RASGEF1C: variants seen among roughly 807,000 people sequenced by gnomAD.
RASGEF1C encodes ras-GEF domain-containing family member 1C.
RASGEF1C carries 27 observed loss-of-function variants against 58.1 expected under a neutral mutation model. The observed-to-expected ratio is 0.46, with a 90% confidence interval of 0.34 to 0.64. RASGEF1C has a LOEUF of 0.64. Among genes scored for constraint, RASGEF1C ranks in the 30% least tolerant of loss-of-function variants. The pLI, the probability that RASGEF1C is intolerant of heterozygous loss-of-function variation, is 0.01. For synonymous variants in RASGEF1C, 243 were observed against 246.3 expected (o/e 0.99, Z 0.13); for missense variants, 502 against 605.1 (o/e 0.83, Z 1.79).
chr5:180,189,669 C>A (rs567878392), intron 1 of RASGEF1C, among the ~76,000 whole-genome samples: 2 of 152,284 alleles, frequency 1.3e-5, no homozygotes, highest in South Asian at 4.1e-4. Flanking sequence ...CACCTGTAAT[C>A]CCAGCACTTT....
intron 1 of RASGEF1C, among the ~76,000 whole-genome samples, chr5:180,205,973 G>C (rs1756480470): frequency 6.6e-6 from 1 of 152,154 alleles, no homozygotes. Flanking sequence ...GACCTCAAGT[G>C]ATCTGCCTGC....
chr5:180,152,669 A>G (rs907257117), intron 1 of RASGEF1C, among the ~76,000 whole-genome samples: 50 of 150,966 alleles, frequency 3.3e-4, no homozygotes, highest in African/African-American at 1.1e-3. Context: ...CATATGTAAC[A>G]AACCTGCACG....
intron 12 of RASGEF1C, among the ~76,000 whole-genome samples, chr5:180,105,966 C>T (rs1359064035): frequency 6.6e-6 from 1 of 152,144 alleles, no homozygotes; most frequent in Non-Finnish European, 1.5e-5. Context: ...GACTGATAGG[C>T]AGCATAAACA....
intron 1 of RASGEF1C, among the ~76,000 whole-genome samples, chr5:180,139,940 A>G (rs937729036): frequency 1.3e-5 from 2 of 151,766 alleles, no homozygotes; most frequent in Non-Finnish European, 1.5e-5. Context: ...TCCCAGCCCC[A>G]TTTTCTTGAC....
At chr5:180,170,220 G>A (rs1277488427) in intron 1 of RASGEF1C, among the ~76,000 whole-genome samples, 2 of 152,226 alleles carry the variant, frequency 1.3e-5, no homozygotes, top group African/African-American at 4.8e-5. Flanking sequence ...AGGGGACCAA[G>A]CCGGGCAGCA....
Position 180,128,599 on chromosome 5 carries a change from C to G in RASGEF1C, c.450G>C (p.Lys150Asn). 3 of 1,613,808 alleles carry G rather than the reference C, an allele frequency of 1.9e-6. No homozygotes were observed. Among genetic ancestry groups the G allele is most frequent in the Non-Finnish European group, 2.5e-6 (3 of 1,179,994 alleles). The change falls in exon 5 of 14, where the codon AAG becomes AAC. Residue 150 changes from lysine (K) to asparagine (N), a missense_variant. Coordinates refer to ENST00000361132, the MANE Select transcript of RASGEF1C (RefSeq NM_175062.4). ...GAGCCTGTAGGAGCTGATGCATCCT[C>G]TTCCGGTATGCCTGGTGGGTGGAAA... ...RIAPCDEAYR[K>N]RMHQLLQALH... is the part of the protein sequence containing the mutation.
chr5:180,116,060 G>A (rs115863898), intron 10 of RASGEF1C, among the ~76,000 whole-genome samples: 3,222 of 152,222 alleles, frequency 0.021, 120 homozygotes, highest in African/African-American at 0.072. Flanking sequence ...GCTTCCTGGA[G>A]GCAGTGGCAT....
At chr5:180,102,615 G>A (rs4700707) in intron 12 of RASGEF1C, among the ~76,000 whole-genome samples, 60,018 of 152,048 alleles carry the variant, frequency 0.39, 13,244 homozygotes, top group South Asian at 0.61. Flanking sequence ...GTCTGTGGAT[G>A]TCCGGATGCT....
At position 180,137,871 on chromosome 5, in the gene RASGEF1C, C is replaced by T; in HGVS notation, c.177+5G>A. 2 of 1,611,262 alleles carry T rather than the reference C, an allele frequency of 1.2e-6. No individual in the cohort carries two copies. Among genetic ancestry groups the T allele is most frequent in the Non-Finnish European group, 1.7e-6 (2 of 1,179,116 alleles). ...ACTCTCCTGCCCGCTGGGTGGATCA[C>T]CCACCTCGGGGTAGTAGTCGGCTGT... On this transcript the variant is annotated splice_donor_5th_base_variant and intron_variant, in intron 2 of 13. Transcript: ENST00000361132. The surrounding 1 kb of genome is among the most constrained non-coding windows in gnomAD (Gnocchi z 4.1).
chr5:180,119,052 T>C (rs1413302553), intron 8 of RASGEF1C, among the ~76,000 whole-genome samples, 186 bp from the exon 9 acceptor site: 1 of 152,202 alleles, frequency 6.6e-6, no homozygotes, highest in Non-Finnish European at 1.5e-5. Context: ...ACCATGCTGG[T>C]CCCATTCTGT....
intron 1 of RASGEF1C, among the ~76,000 whole-genome samples, chr5:180,204,633 TC>T (rs1756458302): frequency 6.6e-6 from 1 of 151,284 alleles, no homozygotes; most frequent in Non-Finnish European, 1.5e-5. Flanking sequence ...TATCTATCTA[TC>T]TATCTATCTA....
At chr5:180,160,484 G>A (rs748357310) in intron 1 of RASGEF1C, among the ~76,000 whole-genome samples, 1 of 152,144 alleles carries the variant, frequency 6.6e-6, no homozygotes, top group Non-Finnish European at 1.5e-5. Context: ...CCCCACTTGG[G>A]GTCATTCCAC....
intron 1 of RASGEF1C, among the ~76,000 whole-genome samples, chr5:180,184,341 G>A (rs1435066573): frequency 2.0e-5 from 3 of 152,110 alleles, no homozygotes; most frequent in Admixed American, 6.6e-5. Flanking sequence ...TTGGGAGGCC[G>A]AGGCGGGTGG....
At chr5:180,174,495 T>G (rs997619338) in intron 1 of RASGEF1C, among the ~76,000 whole-genome samples, 5 of 134,010 alleles carry the variant, frequency 3.7e-5, no homozygotes, top group Non-Finnish European at 8.0e-5. Flanking sequence ...TGTGCGCGTG[T>G]GTGTCTGTGT....
At chr5:180,181,611 G>A (rs1321628997) in intron 1 of RASGEF1C, among the ~76,000 whole-genome samples, 1 of 152,216 alleles carries the variant, frequency 6.6e-6, no homozygotes, top group Non-Finnish European at 1.5e-5. Context: ...AAGGAATGCA[G>A]AAGATTTCTA....
At position 180,207,463 on chromosome 5, in the gene RASGEF1C, A is replaced by G. The variant is rs185545505; in HGVS notation, c.-7+1565T>C. Among the ~76,000 whole-genome samples the G allele has an allele frequency of 4.4e-3, 671 of 152,316 alleles. 14 individuals carry two copies. The highest frequency in any genetic ancestry group is 0.041 in the Admixed American group (625 of 15,296). ...GCTGACTCTGGATCTGGGTCCAGGT[A>G]CAAGTGAGAGCTGGAACCACCTCAG... On this transcript the variant is annotated intron_variant, in intron 1 of 13. Coordinates refer to ENST00000361132, the MANE Select transcript of RASGEF1C (RefSeq NM_175062.4).
At chr5:180,169,773 C>T (rs1767075058) in intron 1 of RASGEF1C, among the ~76,000 whole-genome samples, 1 of 151,792 alleles carries the variant, frequency 6.6e-6, no homozygotes, top group Non-Finnish European at 1.5e-5. Context: ...CCATGCGCAC[C>T]CCCCAGCACC....
chr5:180,137,546 G>A lies in RASGEF1C; in HGVS notation c.300+44C>T, dbSNP rs774167842. The A allele has an allele frequency of 1.3e-5, 20 of 1,590,854 alleles. No individual in the cohort carries two copies. Among genetic ancestry groups the A allele is most frequent in the Non-Finnish European group, 1.5e-5 (18 of 1,170,890 alleles). On this transcript the variant is annotated intron_variant, in intron 3 of 13. Coordinates refer to ENST00000361132, the MANE Select transcript of RASGEF1C (RefSeq NM_175062.4). The surrounding 1 kb of genome is among the most constrained non-coding windows in gnomAD (Gnocchi z 4.1). ...GATGCGTTGAGGGCATGGCAGGGCA[G>A]TGCTGGTACACTCTGAGACCCCCTG...
intron 12 of RASGEF1C, among the ~76,000 whole-genome samples, chr5:180,104,797 T>A (rs1765848137): frequency 6.6e-6 from 1 of 152,206 alleles, no homozygotes; most frequent in South Asian, 2.1e-4. Flanking sequence ...TTATGTCAAG[T>A]TGTGGTAATT....
Sources: gnomAD v4.1 joint callset for allele counts (sites outside exome capture counted in the v4.1 genomes callset) on GRCh38, gnomAD v4.1.1 for gene constraint, Gnocchi (gnomAD v3.1) non-coding constraint, MANE v1.5 for transcripts, NCBI Gene and HGNC (gene_info 2026-07-23, HGNC 2026-07-21) for gene names.